IARS1: variants seen among roughly 807,000 people sequenced by gnomAD.
IARS1 encodes isoleucyl-tRNA synthetase 1.
Under a neutral mutation model 168.2 loss-of-function variants are expected in IARS1, and 124 were observed. The ratio of observed to expected loss-of-function variants is 0.74; its 90% CI spans 0.64 to 0.86. The LOEUF (loss-of-function observed/expected upper bound fraction) is 0.86. IARS1 is among the 40% of genes least tolerant of loss of function. The pLI, the probability that IARS1 is intolerant of heterozygous loss-of-function variation, is 0.00. For missense variants in IARS1, 1,452 were observed against 1,515.8 expected, an observed-to-expected ratio of 0.96 and a Z score of 0.70; for synonymous variants, 532 against 529.4, an observed-to-expected ratio of 1.00 and a Z score of -0.07.
chr9:92,268,921 A>G (rs937344974), intron 13 of IARS1, among the ~76,000 whole-genome samples: 3 of 152,100 alleles, frequency 2.0e-5, no homozygotes, highest in Admixed American at 1.3e-4. Context: ...CTTGAGGTTC[A>G]GCTTTGCAGA....
intron 20 of IARS1, chr9:92,253,715 C>T (rs1179381130): frequency 3.9e-6 from 2 of 510,844 alleles, no homozygotes; most frequent in Non-Finnish European, 7.3e-6. Flanking sequence ...TGAGAAAAGC[C>T]AAAAACTCCA....
At chr9:92,227,562 GC>G (rs1229362957) in intron 31 of IARS1, among the ~76,000 whole-genome samples, 3 of 130,138 alleles carry the variant, frequency 2.3e-5, no homozygotes, top group Non-Finnish European at 5.0e-5. Context: ...AGGCGGAGGG[GC>G]TCCTCACTTC....
At chr9:92,290,561 C>CA (rs1226038608) in intron 1 of IARS1, among the ~76,000 whole-genome samples, 1 of 152,070 alleles carries the variant, frequency 6.6e-6, no homozygotes, top group Non-Finnish European at 1.5e-5. Flanking sequence ...CCCAATTTGT[C>CA]AATTTTTGGT....
rs1829393142 is a variant in IARS1 at position 92,247,529 on chromosome 9, G to A, written c.2639C>T (p.Thr880Ile). ...ATACTTGTTTTTATCTGTAGACAGTGTAACTTTTCGAACATTGAGTTCCTA... is the reference window on the plus strand; with the variant it reads ...ATACTTGTTTTTATCTGTAGACAGTATAACTTTTCGAACATTGAGTTCCTA... ...IIEELNVRKV[T>I]LSTDKNKYGI... Residue 880 changes from threonine (T) to isoleucine (I), a missense_variant, in exon 26 of 34, where the codon ACA (threonine) becomes ATA (isoleucine). Physicochemically the swap from Thr to Ile is moderately conservative, Grantham distance 89 (BLOSUM62 -1). Coordinates refer to ENST00000443024, the MANE Select transcript of IARS1 (RefSeq NM_002161.6). 6.2e-7 allele frequency: 1 copy of A among 1,613,522 alleles called. No individual in the cohort carries two copies.
chr9:92,247,601 T>A, intron 25 of IARS1, 50 bp from the exon 26 acceptor site: 1 of 1,544,126 alleles, frequency 6.5e-7, no homozygotes, highest in South Asian at 1.2e-5. Context: ...AAAACATATG[T>A]TCACACAAAA....
At chr9:92,235,731 T>C (rs1460666729) in intron 30 of IARS1, among the ~76,000 whole-genome samples, 1 of 152,004 alleles carries the variant, frequency 6.6e-6, no homozygotes, top group Non-Finnish European at 1.5e-5. Flanking sequence ...TTCACCATGT[T>C]GGTCAGGCTG....
At chr9:92,228,127 A>T (rs141713317) in intron 31 of IARS1, among the ~76,000 whole-genome samples, 4,646 of 152,118 alleles carry the variant, frequency 0.031, 110 homozygotes, top group South Asian at 0.079. Context: ...GGCGGTTAGG[A>T]GCTGGAGACC....
At chr9:92,223,866 A>C (rs921363952) in intron 31 of IARS1, among the ~76,000 whole-genome samples, 7 of 152,246 alleles carry the variant, frequency 4.6e-5, no homozygotes, top group Non-Finnish European at 7.3e-5. Context: ...TATTTGACTC[A>C]GGAGCAGATG....
intron 10 of IARS1, among the ~76,000 whole-genome samples, chr9:92,271,902 A>T (rs1378614143): frequency 6.6e-6 from 1 of 152,238 alleles, no homozygotes. Flanking sequence ...CAGAGTATCC[A>T]CTAAATGAGA....
intron 23 of IARS1, 59 bp from the exon 24 acceptor site, chr9:92,250,348 C>T: frequency 9.4e-7 from 1 of 1,065,498 alleles, no homozygotes; most frequent in South Asian, 1.2e-5. Flanking sequence ...AAATTGAAGG[C>T]ACTAGGCATG....
At chr9:92,253,605 A>G in intron 20 of IARS1, 152 bp from the exon 21 acceptor site, 1 of 626,752 alleles carries the variant, frequency 1.6e-6, no homozygotes, top group South Asian at 1.9e-5. Flanking sequence ...CAATCACATA[A>G]TGACTGTTTG....
Position 92,251,880 on chromosome 9 carries a change from T to G in IARS1, c.2235A>C (p.Glu745Asp). ...CCATGACACAATCCTCCATCCCATT[T>G]TCACCCTAATGAGTAAAAAGGAAAC... is the stretch of plus-strand genomic sequence containing the variant. ...VRMNRRRLKG[E>D]NGMEDCVMAL... Residue 745 changes from glutamate (E) to aspartate (D), a missense_variant, in exon 22 of 34, where the codon GAA (glutamate) becomes GAC (aspartate). By Grantham distance (45) the Glu-to-Asp change is conservative. Coordinates refer to ENST00000443024, the MANE Select transcript of IARS1 (RefSeq NM_002161.6). 6.2e-7 allele frequency: 1 copy of G among 1,609,200 alleles called. No homozygotes were observed. The highest frequency in any genetic ancestry group is 8.5e-7 in the Non-Finnish European group (1 of 1,175,506).
intron 14 of IARS1, among the ~76,000 whole-genome samples, chr9:92,265,857 C>T (rs1832221583): frequency 6.6e-6 from 1 of 152,022 alleles, no homozygotes; most frequent in Non-Finnish European, 1.5e-5. Context: ...CAGGGTTTCG[C>T]CATGCTGCCC....
At chr9:92,266,971 A>G (rs1185228461) in intron 14 of IARS1, among the ~76,000 whole-genome samples, 1 of 152,240 alleles carries the variant, frequency 6.6e-6, no homozygotes, top group Non-Finnish European at 1.5e-5. Flanking sequence ...GTTTCTAAAC[A>G]TTACAAAACA....
intron 30 of IARS1, among the ~76,000 whole-genome samples, chr9:92,236,669 G>A (rs966469569): frequency 1.3e-5 from 2 of 152,148 alleles, no homozygotes; most frequent in Non-Finnish European, 2.9e-5. Context: ...CCAACAGGGT[G>A]AAACCCCGTC....
At chr9:92,241,077 A>C in intron 29 of IARS1, 116 bp from the exon 30 acceptor site, 3 of 593,680 alleles carry the variant, frequency 5.1e-6, no homozygotes, top group Non-Finnish European at 6.2e-6. Context: ...AATTGATAAC[A>C]TATTCAATCT....
chr9:92,215,089 TG>T (rs985905014), intron 33 of IARS1, among the ~76,000 whole-genome samples: 11 of 152,208 alleles, frequency 7.2e-5, no homozygotes, highest in African/African-American at 2.7e-4. Context: ...ACGGGCAGAC[TG>T]CCTCCTCAAG....
chr9:92,274,363 C>T (rs1833500344), intron 10 of IARS1, 63 bp downstream of exon 10: 16 of 1,242,138 alleles, frequency 1.3e-5, no homozygotes, highest in Non-Finnish European at 1.9e-5. Flanking sequence ...ACACAGGACT[C>T]CGCATCTATG....
chr9:92,267,991 A>G (rs1335603005), intron 14 of IARS1, among the ~76,000 whole-genome samples, 183 bp downstream of exon 14: 1 of 152,238 alleles, frequency 6.6e-6, no homozygotes, highest in Non-Finnish European at 1.5e-5. Flanking sequence ...TCAAGGAAAA[A>G]AAGTTAAAAA....
Sources: gnomAD v4.1 joint callset for allele counts (sites outside exome capture counted in the v4.1 genomes callset) on GRCh38, gnomAD v4.1.1 for gene constraint, MANE v1.5 for transcripts, NCBI Gene and HGNC (gene_info 2026-07-23, HGNC 2026-07-21) for gene names.